The following DENND1B variants were observed in gnomAD, a reference collection of about 807,000 sequenced individuals.
The protein encoded by DENND1B is DENN domain containing 1B.
In DENND1B, 59 loss-of-function variants were observed where a neutral mutation model predicts 90.1. The observed-to-expected ratio is 0.65, with a 90% CI of 0.53 to 0.81. DENND1B has a LOEUF of 0.81. Among genes scored for constraint, DENND1B ranks in the 40% least tolerant of loss-of-function variants. The pLI is 0.00. For missense variants in DENND1B, 862 were observed against 912.6 expected (o/e 0.94, Z 0.71); for synonymous variants, 337 against 324.6 (o/e 1.04, Z -0.41).
intron 5 of DENND1B, among the ~76,000 whole-genome samples, chr1:197,663,665 A>C (rs1188567431): frequency 6.6e-6 from 1 of 152,088 alleles, no homozygotes; most frequent in African/African-American, 2.4e-5. Flanking sequence ...CTGTGCAACA[A>C]ATTCCTAGGG....
chr1:197,565,875 A>C (rs1672609753), intron 15 of DENND1B, among the ~76,000 whole-genome samples: 1 of 148,406 alleles, frequency 6.7e-6, no homozygotes, highest in African/African-American at 2.5e-5. Context: ...ACATTTTCTT[A>C]ATCCAGTCTA....
intron 15 of DENND1B, among the ~76,000 whole-genome samples, chr1:197,560,219 T>C (rs1672052833): frequency 6.6e-6 from 1 of 151,972 alleles, no homozygotes; most frequent in Non-Finnish European, 1.5e-5. Flanking sequence ...ACCAAAAGAA[T>C]CAACTAATTA....
At chr1:197,748,382 G>C (rs984152912) in intron 2 of DENND1B, among the ~76,000 whole-genome samples, 1 of 152,194 alleles carries the variant, frequency 6.6e-6, no homozygotes, top group Non-Finnish European at 1.5e-5. Flanking sequence ...AGGCAGAACA[G>C]TGGCCTCTCA....
intron 2 of DENND1B, among the ~76,000 whole-genome samples, chr1:197,730,023 C>T (rs1662010225): frequency 6.6e-6 from 1 of 151,446 alleles, no homozygotes; most frequent in African/African-American, 2.4e-5. Flanking sequence ...TGAAGTACTC[C>T]AGGGAACCGC....
intron 2 of DENND1B, among the ~76,000 whole-genome samples, chr1:197,755,780 C>G (rs970491054): frequency 2.6e-5 from 4 of 152,166 alleles, no homozygotes; most frequent in Admixed American, 2.0e-4. Context: ...TGGATGGCAG[C>G]AGGCAAAGAG....
chr1:197,778,856 T>C (rs559215480), upstream of DENND1B, among the ~76,000 whole-genome samples: 2 of 152,310 alleles, frequency 1.3e-5, no homozygotes, highest in South Asian at 4.1e-4. Flanking sequence ...TTGGAAGTTA[T>C]TTACTCTGTT....
intron 3 of DENND1B, among the ~76,000 whole-genome samples, chr1:197,684,010 T>C (rs1656970592): frequency 6.6e-6 from 1 of 152,184 alleles, no homozygotes; most frequent in Non-Finnish European, 1.5e-5. Context: ...GCCTGGCACA[T>C]TACTCATGCT....
chr1:197,585,149 C>G (rs1368959447), intron 14 of DENND1B, among the ~76,000 whole-genome samples: 4 of 152,154 alleles, frequency 2.6e-5, no homozygotes, highest in Non-Finnish European at 2.9e-5. Flanking sequence ...CTATTGTTTT[C>G]TAATCTCTAG....
At chr1:197,634,826 C>CA (rs1210678199) in intron 10 of DENND1B, among the ~76,000 whole-genome samples, 1 of 151,996 alleles carries the variant, frequency 6.6e-6, no homozygotes, top group Non-Finnish European at 1.5e-5. Flanking sequence ...CCCGTCTCTA[C>CA]AAAAAAATAC....
At chr1:197,679,976 CCT>C (rs1172564413) in intron 3 of DENND1B, among the ~76,000 whole-genome samples, 6 of 151,146 alleles carry the variant, frequency 4.0e-5, no homozygotes, top group Non-Finnish European at 7.4e-5. Context: ...ATGGTGAAAC[CCT>C]GTTTCTAAAA....
chr1:197,600,036 A>G (rs745802244), intron 13 of DENND1B, among the ~76,000 whole-genome samples: 5 of 151,726 alleles, frequency 3.3e-5, no homozygotes, highest in Admixed American at 2.0e-4. Flanking sequence ...AAACCTTTAT[A>G]TATGTTATCT....
chr1:197,638,009 T>A (rs1286484053), intron 10 of DENND1B, among the ~76,000 whole-genome samples: 2 of 152,166 alleles, frequency 1.3e-5, no homozygotes, highest in Non-Finnish European at 2.9e-5. Flanking sequence ...ATATGTATAA[T>A]CCAGATGAAG....
intron 2 of DENND1B, among the ~76,000 whole-genome samples, chr1:197,750,503 C>A (rs1169100630): frequency 6.6e-6 from 1 of 151,828 alleles, no homozygotes; most frequent in African/African-American, 2.4e-5. Flanking sequence ...AATAATTACA[C>A]TGAATACAAA....
At chr1:197,554,100 TACACACAC>T (rs4026509) in intron 15 of DENND1B, among the ~76,000 whole-genome samples, 47,943 of 139,898 alleles carry the variant, frequency 0.34, 9,346 homozygotes, top group East Asian at 0.54. Context: ...TCAATGATTA[TACACACAC>T]ACACACACAC....
At chr1:197,761,233 ACTGCT>A in intron 2 of DENND1B, among the ~76,000 whole-genome samples, 1 of 152,178 alleles carries the variant, frequency 6.6e-6, no homozygotes, top group Non-Finnish European at 1.5e-5. Context: ...AACTTCATTA[ACTGCT>A]TATAATTATT....
At chr1:197,750,618 ATAGACATAGTT>A (rs1453849567) in intron 2 of DENND1B, among the ~76,000 whole-genome samples, 4 of 152,188 alleles carry the variant, frequency 2.6e-5, no homozygotes, top group African/African-American at 9.6e-5. Flanking sequence ...AGATAAAGAT[ATAGACATAGTT>A]TAGACATAAG....
At chr1:197,624,948 A>G (rs562934106) in intron 10 of DENND1B, among the ~76,000 whole-genome samples, 12 of 151,964 alleles carry the variant, frequency 7.9e-5, no homozygotes, top group African/African-American at 2.4e-4. Context: ...GAAATGAAGC[A>G]AGAAGGGAAA....
At chr1:197,545,554 C>A in intron 18 of DENND1B, 1 of 196,224 alleles carries the variant, frequency 5.1e-6, no homozygotes, top group Non-Finnish European at 1.0e-5. Flanking sequence ...AAAGACCTCG[C>A]TATATTTTTC....
At chr1:197,539,614 C>T (rs1670179594) in intron 20 of DENND1B, among the ~76,000 whole-genome samples, 1 of 152,132 alleles carries the variant, frequency 6.6e-6, no homozygotes, top group Non-Finnish European at 1.5e-5. Context: ...GCCAAATACC[C>T]ATGTATAAGA....
Sources: allele counts gnomAD v4.1 joint callset (sites outside exome capture counted in the v4.1 genomes callset), GRCh38; gene constraint gnomAD v4.1.1; transcripts MANE v1.5; gene names NCBI Gene and HGNC (gene_info 2026-07-23, HGNC 2026-07-21).